Variants in ARSB observed in about 807,000 individuals in gnomAD.
The protein encoded by ARSB is arylsulfatase B.
ARSB carries 41 observed loss-of-function variants against 50.9 expected under a neutral mutation model. The ratio of observed to expected loss-of-function variants is 0.81; its 90% CI spans 0.63 to 1.04. The LOEUF is 1.04. Among genes scored for constraint, ARSB ranks in the 50% least tolerant of loss-of-function variants. The pLI is 0.00. For synonymous variants in ARSB, 269 were observed against 284.8 expected (o/e 0.94, Z 0.56); for missense variants, 672 against 693.3 (o/e 0.97, Z 0.35).
intron 5 of ARSB, among the ~76,000 whole-genome samples, chr5:78,873,678 G>C (rs1747344323): frequency 6.6e-6 from 1 of 150,674 alleles, no homozygotes; most frequent in African/African-American, 2.4e-5. Flanking sequence ...TGTATTTTTA[G>C]TAGAGACGGG....
chr5:78,781,921 A>G lies in ARSB; in HGVS notation c.1267T>C (p.Ser423Pro). The change falls in exon 7 of 8, where the codon TCA (serine) becomes CCA (proline). Residue 423 changes from serine to proline, a missense_variant. By Grantham distance (74) the Ser-to-Pro change is moderately conservative. Coordinates refer to ENST00000264914, the MANE Select transcript of ARSB (RefSeq NM_000046.5). ...AKDDSSLPEY[S>P]AFNTSVHAAI... ...GCATGGACAGATGTGTTAAAGGCTG[A>G]ATATTCTGGAAGAGAAGAGTCATCC... 1 of 1,614,174 alleles carries G rather than the reference A, an allele frequency of 6.2e-7. No homozygotes were observed. Among genetic ancestry groups the G allele is most frequent in the Non-Finnish European group, 8.5e-7 (1 of 1,180,000 alleles).
intron 4 of ARSB, among the ~76,000 whole-genome samples, chr5:78,897,712 A>G (rs898954026): frequency 4.6e-5 from 7 of 152,166 alleles, no homozygotes; most frequent in Non-Finnish European, 1.0e-4. Context: ...GGACTCAGAT[A>G]TAATATTTGT....
At chr5:78,785,984 AG>A (rs1277084751) in intron 6 of ARSB, among the ~76,000 whole-genome samples, 3 of 152,366 alleles carry the variant, frequency 2.0e-5, no homozygotes, top group East Asian at 3.8e-4. Flanking sequence ...TTTTTTAAAG[AG>A]TATATCATAT....
intron 4 of ARSB, among the ~76,000 whole-genome samples, chr5:78,930,900 G>A (rs111472737): frequency 5.9e-4 from 90 of 152,328 alleles, no homozygotes; most frequent in Middle Eastern, 3.4e-3. Flanking sequence ...TAGGCACTGC[G>A]TTCCCAGGCC....
chr5:78,821,999 A>G (rs1213443679), intron 6 of ARSB, among the ~76,000 whole-genome samples: 1 of 152,060 alleles, frequency 6.6e-6, no homozygotes, highest in Non-Finnish European at 1.5e-5. Flanking sequence ...TTTGTTTGTC[A>G]TTTTTCTCCA....
intron 4 of ARSB, among the ~76,000 whole-genome samples, chr5:78,951,025 G>T (rs180786075): frequency 6.6e-6 from 1 of 152,264 alleles, no homozygotes; most frequent in East Asian, 1.9e-4. Flanking sequence ...ATTGGGTTTT[G>T]ACCTCAAGTA....
At chr5:78,923,575 A>C (rs1749921092) in intron 4 of ARSB, among the ~76,000 whole-genome samples, 1 of 152,234 alleles carries the variant, frequency 6.6e-6, no homozygotes, top group African/African-American at 2.4e-5. Context: ...CTTTTGCTTT[A>C]ACTATGGATC....
At chr5:78,953,087 G>A (rs1751556198) in intron 4 of ARSB, among the ~76,000 whole-genome samples, 1 of 152,130 alleles carries the variant, frequency 6.6e-6, no homozygotes. Flanking sequence ...TTTCTGAAGA[G>A]TAAGTTTTGG....
intron 1 of ARSB, among the ~76,000 whole-genome samples, chr5:78,980,710 C>T (rs545174007): frequency 7.3e-6 from 1 of 136,996 alleles, no homozygotes; most frequent in East Asian, 2.0e-4. Context: ...AACATAGGAA[C>T]TGAATGTCTA....
At chr5:78,912,552 T>C (rs1472108231) in intron 4 of ARSB, among the ~76,000 whole-genome samples, 26 of 152,190 alleles carry the variant, frequency 1.7e-4, no homozygotes, top group Non-Finnish European at 4.4e-5. Context: ...AACAGCACAT[T>C]TCAGGGAAAA....
At chr5:78,821,116 T>C (rs557975163) in intron 6 of ARSB, among the ~76,000 whole-genome samples, 1 of 152,192 alleles carries the variant, frequency 6.6e-6, no homozygotes, top group South Asian at 2.1e-4. Context: ...ATAAGGGTCA[T>C]AGTGAACTTT....
At chr5:78,822,432 G>T (rs1415759428) in intron 6 of ARSB, among the ~76,000 whole-genome samples, 2 of 151,926 alleles carry the variant, frequency 1.3e-5, no homozygotes, top group African/African-American at 4.8e-5. Context: ...TTGGTGGTTG[G>T]GAGGTTTAGG....
At chr5:78,800,987 T>C (rs1006096084) in intron 6 of ARSB, among the ~76,000 whole-genome samples, 1 of 152,186 alleles carries the variant, frequency 6.6e-6, no homozygotes, top group Non-Finnish European at 1.5e-5. Context: ...TTGTTTGGAC[T>C]CTGGATAGTT....
intron 6 of ARSB, among the ~76,000 whole-genome samples, chr5:78,819,370 G>A (rs548827683): frequency 6.6e-6 from 1 of 152,366 alleles, no homozygotes; most frequent in South Asian, 2.1e-4. Flanking sequence ...AAACAATGCA[G>A]TTGCTGTTTC....
chr5:78,818,414 G>T (rs1744081958), intron 6 of ARSB, among the ~76,000 whole-genome samples: 1 of 151,990 alleles, frequency 6.6e-6, no homozygotes, highest in South Asian at 2.1e-4. Context: ...TGAGATAAAA[G>T]TCCTGCATCT....
intron 2 of ARSB, among the ~76,000 whole-genome samples, chr5:78,965,317 A>C (rs1752158196): frequency 6.6e-6 from 1 of 152,158 alleles, no homozygotes; most frequent in Admixed American, 6.5e-5. Flanking sequence ...CAAATGTTCC[A>C]TCTTTTCTAT....
At chr5:78,863,812 T>G (rs13184327) in intron 5 of ARSB, among the ~76,000 whole-genome samples, 1 of 151,866 alleles carries the variant, frequency 6.6e-6, no homozygotes. Flanking sequence ...GGGCTACTGA[T>G]TGTTGTTCCT....
intron 3 of ARSB, among the ~76,000 whole-genome samples, chr5:78,961,600 T>C (rs1238130137): frequency 6.6e-6 from 1 of 152,186 alleles, no homozygotes; most frequent in Admixed American, 6.5e-5. Context: ...CAAAGATCTA[T>C]TATTTCACTC....
intron 5 of ARSB, among the ~76,000 whole-genome samples, chr5:78,880,731 G>A (rs1290931029): frequency 6.6e-6 from 1 of 152,146 alleles, no homozygotes; most frequent in East Asian, 1.9e-4. Context: ...TGTAAAGAAT[G>A]TTTTAGAAAA....
Sources: allele counts gnomAD v4.1 joint callset (sites outside exome capture counted in the v4.1 genomes callset), GRCh38; gene constraint gnomAD v4.1.1; transcripts MANE v1.5; gene names NCBI Gene and HGNC (gene_info 2026-07-23, HGNC 2026-07-21).